The following ZER1 variants were observed in gnomAD, a reference collection of about 807,000 sequenced individuals.
The protein encoded by ZER1 is zyg-11 related cell cycle regulator, also known as protein zer-1 homolog.
In ZER1, 11 loss-of-function variants were observed where a neutral mutation model predicts 78.8. The observed-to-expected ratio is 0.14, with a 90% CI of 0.09 to 0.23. ZER1 has a LOEUF of 0.23. Ranked by LOEUF, ZER1 falls within the 10% of genes least tolerant of loss-of-function variation. ZER1 has a pLI of 1.00. For missense variants in ZER1, 588 were observed against 996.9 expected, an observed-to-expected ratio of 0.59 and a Z score of 5.52; for synonymous variants, 400 against 407.0, an observed-to-expected ratio of 0.98 and a Z score of 0.21.
intron 13 of ZER1, among the ~76,000 whole-genome samples, chr9:128,735,749 A>C (rs1863045302): frequency 7.1e-6 from 1 of 140,100 alleles, no homozygotes; most frequent in Non-Finnish European, 1.5e-5. Flanking sequence ...GAACAGAAGC[A>C]CGTGTGACCT....
intron 1 of ZER1, among the ~76,000 whole-genome samples, chr9:128,760,876 TAGGCC>T (rs988531042): frequency 5.3e-5 from 8 of 150,396 alleles, no homozygotes; most frequent in African/African-American, 2.0e-4. Flanking sequence ...ATGGGGATAA[TAGGCC>T]AGGCGCGGTG....
At chr9:128,734,045 G>A (rs1327826422) in intron 14 of ZER1, among the ~76,000 whole-genome samples, 13 of 110,206 alleles carry the variant, frequency 1.2e-4, no homozygotes, top group Admixed American at 7.4e-4. Flanking sequence ...GGAGAATGGC[G>A]TGAACCCGGG....
At chr9:128,767,071 T>C (rs1330616400) in intron 1 of ZER1, among the ~76,000 whole-genome samples, 1 of 151,476 alleles carries the variant, frequency 6.6e-6, no homozygotes, top group Non-Finnish European at 1.5e-5. Flanking sequence ...GCCAACCAAG[T>C]AGCTGGGATT....
In ZER1 at chr9:128,742,578, C is replaced by T; in HGVS notation, c.1527G>A (p.Gln509=). The change falls in exon 9 of 16, where the codon CAG becomes CAA. Residue 509 remains glutamine (Q), a synonymous_variant. Transcript: ENST00000291900. The part of the protein sequence containing the change: ...AVHLCNALVC[Q]VDNDHKEAVG... Reference sequence around the variant, plus strand: ...CGGCCTCCTTGTGGTCGTTGTCTACCTGGCAGACCAGGGCATTGCACAGGT... The same window carrying T: ...CGGCCTCCTTGTGGTCGTTGTCTACTTGGCAGACCAGGGCATTGCACAGGT... The T allele has an allele frequency of 1.9e-6, 3 of 1,614,238 alleles. No individual in the cohort carries two copies. Among genetic ancestry groups the T allele is most frequent in the Non-Finnish European group, 2.5e-6 (3 of 1,180,048 alleles).
At chr9:128,768,013 C>A (rs1475700617) in intron 1 of ZER1, among the ~76,000 whole-genome samples, 1 of 152,126 alleles carries the variant, frequency 6.6e-6, no homozygotes, top group Non-Finnish European at 1.5e-5. Context: ...CGCTGTGTTG[C>A]GCGTGTTGTG....
At chr9:128,759,140 G>A (rs1206489543) in intron 1 of ZER1, among the ~76,000 whole-genome samples, 1 of 151,842 alleles carries the variant, frequency 6.6e-6, no homozygotes, top group Non-Finnish European at 1.5e-5. Flanking sequence ...GGGATTACAG[G>A]CATGGGCCAC....
At position 128,755,434 on chromosome 9, in the gene ZER1, G is replaced by A. The variant is rs571827293; in HGVS notation, c.132C>T (p.Ser44=). ...CATTGACGAGCCGGTCACAGATCTCGCTGGGCAAGAAGATGTCCGGATGTA... is the reference window on the plus strand; with the variant it reads ...CATTGACGAGCCGGTCACAGATCTCACTGGGCAAGAAGATGTCCGGATGTA... ...LRLHPDIFLP[S]EICDRLVNEY... The change falls in exon 2 of 16, where the codon AGC becomes AGT. Residue 44 remains serine, a synonymous_variant. Transcript: ENST00000291900. This position sits in a 1 kb window ranked among gnomAD's most constrained non-coding sequence, Gnocchi z 5.6. The A allele has an allele frequency of 5.6e-6, 9 of 1,613,966 alleles. No homozygotes were observed. Among genetic ancestry groups the A allele is most frequent in the South Asian group, 4.4e-5 (4 of 91,076 alleles).
Position 128,751,226 on chromosome 9 carries a change from C to G in ZER1, c.1081G>C (p.Glu361Gln), listed in dbSNP as rs1381088167. The stretch of plus-strand genomic sequence containing the variant: ...TCAGGCCGGTGCTCCGTGTAGGCCT[C>G]GATGGCATTCAGCACCTGCTCTTCG... ...KNEEQVLNAIEAYTEHRPEIT... is the reference protein window; with the variant it reads ...KNEEQVLNAIQAYTEHRPEIT... Residue 361 changes from glutamate (E) to glutamine (Q), a missense_variant, in exon 7 of 16, where the codon GAG (glutamate) becomes CAG (glutamine). Glu to Gln is a conservative substitution (Grantham distance 29, BLOSUM62 2). Coordinates refer to ENST00000291900, the MANE Select transcript of ZER1 (RefSeq NM_006336.4). This position sits in a 1 kb window ranked among gnomAD's most constrained non-coding sequence, Gnocchi z 5.4. 6.2e-7 allele frequency: 1 copy of G among 1,604,940 alleles called. No homozygotes were observed. Among genetic ancestry groups the G allele is most frequent in the Admixed American group, 1.7e-5 (1 of 59,786 alleles).
intron 1 of ZER1, among the ~76,000 whole-genome samples, chr9:128,766,184 A>G (rs544319012): frequency 7.2e-5 from 11 of 152,116 alleles, no homozygotes; most frequent in African/African-American, 2.7e-4. Context: ...CCCTGTCTCT[A>G]CTAAAAATAC....
intron 8 of ZER1, among the ~76,000 whole-genome samples, chr9:128,744,495 TTGGA>T (rs1863420377): frequency 6.6e-6 from 1 of 150,936 alleles, no homozygotes; most frequent in Admixed American, 6.6e-5. Flanking sequence ...TTTTTTTTTT[TTGGA>T]TGGAGTTTCA....
intron 8 of ZER1, among the ~76,000 whole-genome samples, chr9:128,749,079 G>A (rs1863592370): frequency 6.7e-6 from 1 of 149,502 alleles, no homozygotes. Flanking sequence ...TGTAATCCCA[G>A]CACTTTGGGA....
rs994771201 is a variant in ZER1, at chr9:128,763,217, G to A, written c.-94-7558C>T. On this transcript the variant is annotated intron_variant, in intron 1 of 15. Coordinates refer to ENST00000291900, the MANE Select transcript of ZER1 (RefSeq NM_006336.4). ...CAGGAAGTATCTCCTGGCCACTCCA[G>A]CCCACATGATCTTTGAACTCTCCTT... Among the ~76,000 whole-genome samples, 5 of 152,108 alleles carry A rather than the reference G, an allele frequency of 3.3e-5. No homozygotes were observed. The East Asian group carries it at 9.6e-4, about 29-fold the overall frequency.
intron 8 of ZER1, among the ~76,000 whole-genome samples, chr9:128,745,080 T>G (rs1863440860): frequency 1.3e-5 from 2 of 152,308 alleles, no homozygotes; most frequent in Admixed American, 1.3e-4. Flanking sequence ...CTAGACTGTT[T>G]TCCGCAGTGG....
In ZER1 at chr9:128,742,514, C is replaced by G. The variant is rs199888547; in HGVS notation, c.1575+16G>C. On this transcript the variant is annotated intron_variant, in intron 9 of 15. Coordinates refer to ENST00000291900, the MANE Select transcript of ZER1 (RefSeq NM_006336.4). ...GTGAGGCTCAGGAGGAAGGGGGCAG[C>G]GCCCCCCACACGTACCACGACAAAG... 3.7e-6 allele frequency: 6 copies of G among 1,610,126 alleles called. No individual in the cohort carries two copies. The highest frequency in any genetic ancestry group is 5.1e-6 in the Non-Finnish European group (6 of 1,177,382).
chr9:128,735,553 C>T lies in ZER1; in HGVS notation c.2043-122G>A, dbSNP rs3750329. The T allele has an allele frequency of 0.11, 106,678 of 945,084 alleles. 6,669 individuals carry two copies. The highest frequency in any genetic ancestry group is 0.13 in the Non-Finnish European group (79,973 of 634,260). The allele number at this position is 945,084 out of a possible 1,614,324, so 58.5% of individuals were successfully genotyped here. On this transcript the variant is annotated intron_variant, in intron 13 of 15. Transcript: ENST00000291900. ...CAACCATGATAGGCTGGCAGGATGC[C>T]AGGGAGAAGGGACAGCTGGCCCTGC...
At chr9:128,758,126 T>TC (rs1252469143) in intron 1 of ZER1, among the ~76,000 whole-genome samples, 1 of 150,746 alleles carries the variant, frequency 6.6e-6, no homozygotes, top group African/African-American at 2.4e-5. Context: ...TTTAGGTTTT[T>TC]TTTTTTTTTT....
chr9:128,754,063 G>A lies in ZER1; in HGVS notation c.159-104C>T, dbSNP rs770845676. ...CTGAAGCTTTCTTGGATCACCCCAA[G>A]TAGCAACCTCCTTCTCCTAAGAGTA... On this transcript the variant is annotated intron_variant, in intron 2 of 15. Coordinates refer to ENST00000291900, the MANE Select transcript of ZER1 (RefSeq NM_006336.4). This position sits in a 1 kb window ranked among gnomAD's most constrained non-coding sequence, Gnocchi z 4.3. The A allele has an allele frequency of 7.3e-7, 1 of 1,378,412 alleles. No homozygotes were observed. The highest frequency in any genetic ancestry group is 9.8e-7 in the Non-Finnish European group (1 of 1,015,534). 85.4% of individuals were successfully genotyped at this position (1,378,412 alleles called of 1,614,324 possible). A position where few individuals can be genotyped will look rare whatever the true frequency, so the allele number is the denominator to read the frequency against.
intron 15 of ZER1, 35 bp from the exon 16 acceptor site, chr9:128,731,429 G>T: frequency 1.4e-6 from 2 of 1,428,264 alleles, no homozygotes; most frequent in Non-Finnish European, 2.0e-6. Flanking sequence ...TTGGAGGGTG[G>T]GCTTGGGTGG....
intron 13 of ZER1, among the ~76,000 whole-genome samples, chr9:128,736,974 T>A (rs1255648045): frequency 6.6e-6 from 1 of 151,860 alleles, no homozygotes; most frequent in Non-Finnish European, 1.5e-5. Flanking sequence ...TGAAACCCCG[T>A]CTCCACTAAA....
Sources: gnomAD v4.1 joint callset for allele counts (sites outside exome capture counted in the v4.1 genomes callset) on GRCh38, gnomAD v4.1.1 for gene constraint, Gnocchi (gnomAD v3.1) non-coding constraint, MANE v1.5 for transcripts, NCBI Gene and HGNC (gene_info 2026-07-23, HGNC 2026-07-21) for gene names.